CTIF: variants seen among roughly 807,000 people sequenced by gnomAD.
CTIF encodes the protein cap binding complex dependent translation initiation factor, also known as CBP80/20-dependent translation initiation factor.
Under a neutral mutation model 66.0 loss-of-function variants are expected in CTIF, and 21 were observed. The observed-to-expected ratio is 0.32, with a 90% CI of 0.23 to 0.46. CTIF has a LOEUF of 0.46. Among genes scored for constraint, CTIF ranks in the 20% least tolerant of loss-of-function variants. The pLI is 1.00. For missense variants in CTIF, 739 were observed against 812.7 expected, an observed-to-expected ratio of 0.91 and a Z score of 1.10; for synonymous variants, 345 against 326.4, an observed-to-expected ratio of 1.06 and a Z score of -0.62.
chr18:48,580,069 A>C (rs1340467671), intron 1 of CTIF, among the ~76,000 whole-genome samples: 1 of 152,216 alleles, frequency 6.6e-6, no homozygotes, highest in Non-Finnish European at 1.5e-5. Flanking sequence ...TCATCTACTG[A>C]GAAATAAAAG....
At chr18:48,588,455 C>T (rs962795642) in intron 1 of CTIF, among the ~76,000 whole-genome samples, 1 of 152,314 alleles carries the variant, frequency 6.6e-6, no homozygotes, top group Middle Eastern at 3.4e-3. Context: ...GCCTTAGGGA[C>T]CTCTGGACCT....
chr18:48,569,294 T>C lies in CTIF; in HGVS notation c.-29+29982T>C, dbSNP rs1262186029. ...CACAGTTTTGAGCAGAAAAACGCAC[T>C]GCTGGAGGAAAAGGAGAGAACTGGA... On this transcript the variant is annotated intron_variant, in intron 1 of 11. Coordinates refer to ENST00000256413, the MANE Select transcript of CTIF (RefSeq NM_014772.3). Among the ~76,000 whole-genome samples, 4 of 152,114 alleles carry C rather than the reference T, an allele frequency of 2.6e-5. No homozygotes were observed. The East Asian group carries it at 7.7e-4, about 29-fold the overall frequency.
chr18:48,825,184 T>A (rs574535835), intron 10 of CTIF, among the ~76,000 whole-genome samples: 1 of 152,184 alleles, frequency 6.6e-6, no homozygotes, highest in South Asian at 2.1e-4. Context: ...TGTACCCACC[T>A]CCTGATCCCC....
chr18:48,827,178 C>G (rs2068599034), intron 10 of CTIF, among the ~76,000 whole-genome samples: 1 of 152,170 alleles, frequency 6.6e-6, no homozygotes, highest in Non-Finnish European at 1.5e-5. Flanking sequence ...GGTTTTAAGC[C>G]AGAAAGCAAC....
intron 6 of CTIF, among the ~76,000 whole-genome samples, chr18:48,705,790 A>G (rs2145430876): frequency 6.6e-6 from 1 of 152,340 alleles, no homozygotes; most frequent in South Asian, 2.1e-4. Context: ...TGCCTTGTCA[A>G]ATGCCTTAGA....
At chr18:48,589,074 G>A (rs2089834525) in intron 1 of CTIF, among the ~76,000 whole-genome samples, 1 of 152,206 alleles carries the variant, frequency 6.6e-6, no homozygotes, top group African/African-American at 2.4e-5. Context: ...CTGGGAAGGG[G>A]CAAATGCTGG....
intron 10 of CTIF, among the ~76,000 whole-genome samples, chr18:48,821,006 C>A (rs1437374997): frequency 6.6e-6 from 1 of 152,218 alleles, no homozygotes; most frequent in African/African-American, 2.4e-5. Flanking sequence ...CTCTGGGAGT[C>A]CCTGGGGACA....
chr18:48,552,901 T>G (rs1428682384), intron 1 of CTIF, among the ~76,000 whole-genome samples: 1 of 152,186 alleles, frequency 6.6e-6, no homozygotes. Flanking sequence ...GGGAAGTCAC[T>G]TCACATCTGG....
At chr18:48,590,699 C>T (rs1338765393) in intron 1 of CTIF, among the ~76,000 whole-genome samples, 1 of 152,184 alleles carries the variant, frequency 6.6e-6, no homozygotes, top group Non-Finnish European at 1.5e-5. Context: ...AGAGGATGGC[C>T]ACACCCTCGG....
chr18:48,564,095 AT>A (rs1347675603), intron 1 of CTIF, among the ~76,000 whole-genome samples: 2 of 151,858 alleles, frequency 1.3e-5, no homozygotes, highest in Non-Finnish European at 2.9e-5. Flanking sequence ...GGTTTTCCTC[AT>A]TTTCAGGAGC....
intron 9 of CTIF, among the ~76,000 whole-genome samples, chr18:48,783,386 G>A (rs1911422009): frequency 6.6e-6 from 1 of 152,022 alleles, no homozygotes; most frequent in Non-Finnish European, 1.5e-5. Flanking sequence ...TTTCTTTTAT[G>A]ATATGACGGA....
chr18:48,669,534 G>C (rs2091488114), intron 5 of CTIF, among the ~76,000 whole-genome samples: 1 of 151,664 alleles, frequency 6.6e-6, no homozygotes, highest in African/African-American at 2.4e-5. Flanking sequence ...GGCTGGGTTG[G>C]CTCCAGAATC....
intron 1 of CTIF, among the ~76,000 whole-genome samples, chr18:48,564,616 G>C (rs2089238732): frequency 6.6e-6 from 1 of 152,076 alleles, no homozygotes; most frequent in East Asian, 1.9e-4. Context: ...GGTTGTGTAG[G>C]TTTTTGTTTT....
At chr18:48,646,762 TAAA>T (rs2091039972) in intron 3 of CTIF, among the ~76,000 whole-genome samples, 1 of 143,294 alleles carries the variant, frequency 7.0e-6, no homozygotes, top group Non-Finnish European at 1.5e-5. Context: ...AAAAAGAAAA[TAAA>T]ATAAAAACAA....
At chr18:48,807,333 T>G (rs1217403229) in intron 9 of CTIF, among the ~76,000 whole-genome samples, 2 of 152,166 alleles carry the variant, frequency 1.3e-5, no homozygotes, top group Non-Finnish European at 2.9e-5. Context: ...TTTCTGATTA[T>G]AAAGAGAAAC....
chr18:48,792,739 C>A (rs978151033), intron 9 of CTIF, among the ~76,000 whole-genome samples: 1 of 152,116 alleles, frequency 6.6e-6, no homozygotes, highest in Non-Finnish European at 1.5e-5. Flanking sequence ...AACCTAAGAT[C>A]TGGGGCCTGG....
At chr18:48,828,167 C>T (rs921641708) in intron 10 of CTIF, among the ~76,000 whole-genome samples, 1 of 152,126 alleles carries the variant, frequency 6.6e-6, no homozygotes, top group Non-Finnish European at 1.5e-5. Flanking sequence ...TACCAGCTTC[C>T]ACCAGACACT....
At chr18:48,620,164 A>G (rs1175825888) in intron 2 of CTIF, among the ~76,000 whole-genome samples, 1 of 152,188 alleles carries the variant, frequency 6.6e-6, no homozygotes, top group East Asian at 1.9e-4. Context: ...TTCAAATACA[A>G]GTAGTTGTTG....
At chr18:48,844,510 G>A (rs972293551) in intron 10 of CTIF, among the ~76,000 whole-genome samples, 1 of 152,210 alleles carries the variant, frequency 6.6e-6, no homozygotes, top group East Asian at 1.9e-4. Context: ...TGTACGGGGT[G>A]GTTTGCAAGC....
Sources: gnomAD v4.1 joint callset for allele counts (sites outside exome capture counted in the v4.1 genomes callset) on GRCh38, gnomAD v4.1.1 for gene constraint, MANE v1.5 for transcripts, NCBI Gene and HGNC (gene_info 2026-07-23, HGNC 2026-07-21) for gene names.